Variants in IGF2BP3 observed in about 807,000 individuals in gnomAD.
The protein encoded by IGF2BP3 is insulin-like growth factor 2 mRNA-binding protein 3.
A neutral mutation model predicts 73.8 loss-of-function variants in IGF2BP3; 9 were observed. The ratio of observed to expected loss-of-function variants is 0.12; its 90% confidence interval spans 0.07 to 0.21. IGF2BP3 has a LOEUF of 0.21. IGF2BP3 is among the 10% of genes least tolerant of loss of function. The probability of loss-of-function intolerance (pLI) is 1.00; values close to 1 mark genes in which losing one functional copy is unlikely to be tolerated. For missense variants in IGF2BP3, 542 were observed against 714.0 expected (o/e 0.76, Z 2.75); for synonymous variants, 258 against 256.7 (o/e 1.01, Z -0.05).
chr7:23,421,591 C>T (rs1787350206), intron 2 of IGF2BP3, among the ~76,000 whole-genome samples: 1 of 149,128 alleles, frequency 6.7e-6, no homozygotes, highest in Non-Finnish European at 1.5e-5. Flanking sequence ...ACTCGGGAGG[C>T]TGAGGCAGGA....
intron 3 of IGF2BP3, among the ~76,000 whole-genome samples, chr7:23,400,851 G>A (rs898190102): frequency 1.3e-5 from 2 of 152,244 alleles, no homozygotes; most frequent in African/African-American, 4.8e-5. Context: ...CTAGGCTGGA[G>A]TGCAGAGGCA....
chr7:23,445,675 A>G (rs757540300), intron 2 of IGF2BP3, among the ~76,000 whole-genome samples: 3 of 152,236 alleles, frequency 2.0e-5, no homozygotes, highest in Non-Finnish European at 4.4e-5. Flanking sequence ...ATATTGTTAT[A>G]GATAGCACAT....
chr7:23,348,249 GTGAT>G (rs1784879834), intron 6 of IGF2BP3, among the ~76,000 whole-genome samples: 2 of 152,348 alleles, frequency 1.3e-5, no homozygotes, highest in Non-Finnish European at 2.9e-5. Context: ...GCAACGAACA[GTGAT>G]AGGAATGGAA....
intron 2 of IGF2BP3, among the ~76,000 whole-genome samples, chr7:23,454,731 T>C (rs921520459): frequency 6.6e-6 from 1 of 152,212 alleles, no homozygotes; most frequent in African/African-American, 2.4e-5. Context: ...CCCTTACCAC[T>C]GTGCTGTACT....
chr7:23,449,109 G>A (rs148583181), intron 2 of IGF2BP3, among the ~76,000 whole-genome samples: 2 of 137,562 alleles, frequency 1.5e-5, no homozygotes, highest in East Asian at 2.1e-4. Context: ...TTCCTATACC[G>A]ATTTATTATC....
Position 23,388,916 on chromosome 7 carries a change from ATAG to A in IGF2BP3, c.286-27178_286-27176del, listed in dbSNP as rs1451560788. ...AAATGTTCAACAGGTAAACAAGTAA[ATAG>A]TAGTATATCTACACAACAAACCACT... On this transcript the variant is annotated intron_variant, in intron 3 of 14. Coordinates refer to ENST00000258729, the MANE Select transcript of IGF2BP3 (RefSeq NM_006547.3). 2.6e-5 allele frequency among the ~76,000 whole-genome samples: 4 copies of A among 152,104 alleles called. No individual in the cohort carries two copies. In the East Asian group the frequency reaches 5.8e-4, roughly 22 times the overall value.
chr7:23,340,311 G>A (rs1259389272), intron 10 of IGF2BP3, among the ~76,000 whole-genome samples: 3 of 152,172 alleles, frequency 2.0e-5, no homozygotes, highest in African/African-American at 4.8e-5. Flanking sequence ...GTGAATTGCA[G>A]GGGAGACAAG....
intron 10 of IGF2BP3, among the ~76,000 whole-genome samples, chr7:23,322,890 C>T (rs911098255): frequency 2.6e-5 from 4 of 152,084 alleles, no homozygotes; most frequent in African/African-American, 7.2e-5. Context: ...TTGTCACCAC[C>T]AGGCCTGCCC....
chr7:23,453,529 G>A (rs955482802), intron 2 of IGF2BP3, among the ~76,000 whole-genome samples: 1 of 152,170 alleles, frequency 6.6e-6, no homozygotes, highest in African/African-American at 2.4e-5. Flanking sequence ...TTTGGATGGA[G>A]CTCTTTTACA....
At chr7:23,446,998 T>TC in intron 2 of IGF2BP3, among the ~76,000 whole-genome samples, 1 of 149,902 alleles carries the variant, frequency 6.7e-6, no homozygotes, top group Non-Finnish European at 1.5e-5. Context: ...AGGTCAGGAG[T>TC]TCAAGCCCAG....
chr7:23,331,541 C>CA (rs1406132627), intron 10 of IGF2BP3, among the ~76,000 whole-genome samples: 1 of 151,742 alleles, frequency 6.6e-6, no homozygotes, highest in Non-Finnish European at 1.5e-5. Context: ...AAAAAACAAA[C>CA]AAAAAAAGAA....
chr7:23,383,334 A>T (rs946780882), intron 3 of IGF2BP3, among the ~76,000 whole-genome samples: 2 of 152,208 alleles, frequency 1.3e-5, no homozygotes, highest in African/African-American at 4.8e-5. Context: ...TACTCAGATT[A>T]TTTGTCTAAG....
At chr7:23,412,000 T>A (rs568222871) in intron 3 of IGF2BP3, among the ~76,000 whole-genome samples, 294 of 148,544 alleles carry the variant, frequency 2.0e-3, no homozygotes, top group African/African-American at 7.2e-3. Context: ...TTTTTTTTTT[T>A]TTTTTTCAGT....
At chr7:23,461,041 T>C (rs1439609288) in intron 2 of IGF2BP3, among the ~76,000 whole-genome samples, 9 of 152,102 alleles carry the variant, frequency 5.9e-5, no homozygotes, top group Non-Finnish European at 1.0e-4. Flanking sequence ...TGCTCCAAAA[T>C]TTGTAAATCG....
At chr7:23,361,879 T>C in intron 3 of IGF2BP3, 138 bp from the exon 4 acceptor site, 1 of 658,538 alleles carries the variant, frequency 1.5e-6, no homozygotes, top group Non-Finnish European at 2.6e-6. Context: ...ACTGCAGAAC[T>C]AAGGGATGGA....
At position 23,312,207 on chromosome 7, in the gene IGF2BP3, G is replaced by C. The variant is rs956366950; in HGVS notation, c.*155C>G. On this transcript the variant is annotated 3_prime_UTR_variant, in exon 15 of 15. Coordinates refer to ENST00000258729, the MANE Select transcript of IGF2BP3 (RefSeq NM_006547.3). ...AGCATAAAGTATACATTCTCACAGA[G>C]ACAGGAGTTCAAAAGTTGCCTGGTC... 52 of 619,564 alleles carry C rather than the reference G, an allele frequency of 8.4e-5. No homozygotes were observed. The highest frequency in any genetic ancestry group is 1.4e-4 in the Non-Finnish European group (49 of 341,092). 38.4% of individuals were successfully genotyped at this position (619,564 alleles called of 1,614,324 possible). A position where few individuals can be genotyped will look rare whatever the true frequency, so the allele number is the denominator to read the frequency against.
intron 3 of IGF2BP3, among the ~76,000 whole-genome samples, chr7:23,369,542 A>C (rs1355367899): frequency 6.6e-6 from 1 of 152,186 alleles, no homozygotes; most frequent in Admixed American, 6.5e-5. Context: ...GCACATGGAC[A>C]AACAGAACCA....
At chr7:23,314,491 T>C (rs1203697940) in intron 12 of IGF2BP3, among the ~76,000 whole-genome samples, 1 of 151,606 alleles carries the variant, frequency 6.6e-6, no homozygotes, top group Non-Finnish European at 1.5e-5. Context: ...CACTAATTTT[T>C]ATAGAGATGG....
chr7:23,447,580 C>T (rs1788096073), intron 2 of IGF2BP3, among the ~76,000 whole-genome samples: 2 of 151,736 alleles, frequency 1.3e-5, no homozygotes, highest in African/African-American at 4.8e-5. Flanking sequence ...GCCGAGATCC[C>T]ACCACTGCAG....
Sources: allele counts gnomAD v4.1 joint callset (sites outside exome capture counted in the v4.1 genomes callset), GRCh38; gene constraint gnomAD v4.1.1; transcripts MANE v1.5; gene names NCBI Gene and HGNC (gene_info 2026-07-23, HGNC 2026-07-21).